The following SHOC1 variants were observed in gnomAD, a reference collection of about 807,000 sequenced individuals.
The protein encoded by SHOC1 is shortage in chiasmata 1, also known as protein shortage in chiasmata 1 ortholog.
A neutral mutation model predicts 179.2 loss-of-function variants in SHOC1; 136 were observed. That is an observed-to-expected ratio of 0.76 (90% CI 0.66 to 0.87). The LOEUF is 0.87. SHOC1 is among the 40% of genes least tolerant of loss of function. The probability of loss-of-function intolerance (pLI) is 0.00; values close to 1 mark genes in which losing one functional copy is unlikely to be tolerated. For synonymous variants in SHOC1, 489 were observed against 586.6 expected (o/e 0.83, Z 2.41); for missense variants, 1,538 against 1,700.8 (o/e 0.90, Z 1.68).
At chr9:111,760,284 A>T (rs769019449) in intron 5 of SHOC1, among the ~76,000 whole-genome samples, 2 of 152,184 alleles carry the variant, frequency 1.3e-5, no homozygotes, top group Non-Finnish European at 2.9e-5. Context: ...TATTCTTTGT[A>T]ATTCTACCAA....
At chr9:111,777,598 C>T (rs961531517) in intron 4 of SHOC1, among the ~76,000 whole-genome samples, 1 of 152,172 alleles carries the variant, frequency 6.6e-6, no homozygotes, top group African/African-American at 2.4e-5. Flanking sequence ...GCTCTTTTAA[C>T]CTTGCCCTTA....
intron 12 of SHOC1, among the ~76,000 whole-genome samples, chr9:111,735,933 C>A (rs559791838): frequency 2.0e-5 from 3 of 152,138 alleles, no homozygotes; most frequent in African/African-American, 7.2e-5. Context: ...ATCCAATCCA[C>A]GTTAATGGGC....
intron 12 of SHOC1, among the ~76,000 whole-genome samples, chr9:111,730,619 G>A (rs1022617683): frequency 4.6e-5 from 7 of 152,228 alleles, no homozygotes; most frequent in African/African-American, 1.7e-4. Context: ...TGTAAGCCAT[G>A]CTGTAAACAG....
chr9:111,766,988 T>C (rs777034954), intron 5 of SHOC1, among the ~76,000 whole-genome samples: 2 of 152,146 alleles, frequency 1.3e-5, no homozygotes, highest in Non-Finnish European at 2.9e-5. Flanking sequence ...TGTTGGCCAT[T>C]TCTTCTTTTG....
At chr9:111,710,868 TGGTAA>T (rs1832512807) in intron 18 of SHOC1, among the ~76,000 whole-genome samples, 1 of 152,142 alleles carries the variant, frequency 6.6e-6, no homozygotes. Context: ...CATGATAGTT[TGGTAA>T]GGTAAGAGTA....
chr9:111,754,020 C>T (rs1301432051), intron 8 of SHOC1, among the ~76,000 whole-genome samples: 1 of 152,012 alleles, frequency 6.6e-6, no homozygotes. Context: ...TTTAAATTTA[C>T]TAAGAAAGTA....
intron 1 of SHOC1, among the ~76,000 whole-genome samples, chr9:111,793,252 CTGAT>C (rs1216324393): frequency 1.3e-5 from 2 of 152,198 alleles, no homozygotes; most frequent in South Asian, 2.1e-4. Context: ...TCAGAAAAAA[CTGAT>C]TGTCTCATTC....
chr9:111,686,633 A>C lies in SHOC1; in HGVS notation c.*137T>G. ...CCATAGGGCAGAATACATATTATGA[A>C]TATTTAATACAGAAATACTGAGACA... On this transcript the variant is annotated 3_prime_UTR_variant, in exon 28 of 28. Transcript: ENST00000682961. The C allele has an allele frequency of 1.7e-6, 1 of 583,760 alleles. No homozygotes were observed. Among genetic ancestry groups the C allele is most frequent in the East Asian group, 3.0e-5 (1 of 33,496 alleles). The allele number at this position is 583,760 out of a possible 1,614,324, so 36.2% of individuals were successfully genotyped here.
intron 16 of SHOC1, 131 bp downstream of exon 16, chr9:111,718,053 T>C (rs1589401917): frequency 3.6e-6 from 2 of 556,962 alleles, no homozygotes; most frequent in African/African-American, 2.0e-5. Context: ...TCAAAATGTA[T>C]GTAATGCTTA....
In SHOC1 at chr9:111,756,414, A is replaced by C; in HGVS notation, c.773T>G (p.Ile258Ser). 1 of 1,611,528 alleles carries C rather than the reference A, an allele frequency of 6.2e-7. No individual in the cohort carries two copies. Among genetic ancestry groups the C allele is most frequent in the Non-Finnish European group, 8.5e-7 (1 of 1,178,120 alleles). ...CTCCTTCAGTTCTGAGAGTGATGGA[A>C]TATCAATTTCTGGTTTGAGGCTTGG... Reference protein sequence around the residue: ...IPPSLKPEIDIPSLSELKELL... With the variant: ...IPPSLKPEIDSPSLSELKELL... Residue 258 changes from isoleucine to serine, a missense_variant, in exon 8 of 28, where the codon ATT becomes AGT. Transcript: ENST00000682961.
At chr9:111,790,587 C>T (rs1036407096) in intron 2 of SHOC1, among the ~76,000 whole-genome samples, 1 of 152,174 alleles carries the variant, frequency 6.6e-6, no homozygotes, top group Admixed American at 6.5e-5. Flanking sequence ...CTCTGTTGCC[C>T]AGACTGGAGG....
chr9:111,758,590 A>C, intron 6 of SHOC1, 105 bp downstream of exon 6: 1 of 1,184,424 alleles, frequency 8.4e-7, no homozygotes, highest in Non-Finnish European at 1.2e-6. Context: ...CTCATCTCAA[A>C]ACAAAACAAA....
chr9:111,716,185 G>T (rs1454242909), intron 16 of SHOC1, among the ~76,000 whole-genome samples: 1 of 151,948 alleles, frequency 6.6e-6, no homozygotes, highest in Non-Finnish European at 1.5e-5. Flanking sequence ...TACTTTTATG[G>T]TATTCCTTAA....
chr9:111,734,436 C>A (rs975594961), intron 12 of SHOC1, among the ~76,000 whole-genome samples: 12 of 152,056 alleles, frequency 7.9e-5, no homozygotes, highest in African/African-American at 2.9e-4. Flanking sequence ...CTTATTCCAC[C>A]GTGGGTACCA....
intron 3 of SHOC1, among the ~76,000 whole-genome samples, chr9:111,781,863 C>T (rs1022612984): frequency 6.6e-6 from 1 of 150,746 alleles, no homozygotes; most frequent in Admixed American, 6.6e-5. Flanking sequence ...CACCTACCAC[C>T]AGTGTTACTT....
chr9:111,710,467 C>G (rs7022896), intron 18 of SHOC1, among the ~76,000 whole-genome samples: 38,075 of 152,002 alleles, frequency 0.25, 5,100 homozygotes, highest in African/African-American at 0.33. Context: ...GTGTGTACTA[C>G]GTATATAGAG....
chr9:111,757,091 T>C (rs1442125781), intron 7 of SHOC1, among the ~76,000 whole-genome samples: 2 of 152,070 alleles, frequency 1.3e-5, no homozygotes, highest in Admixed American at 6.5e-5. Context: ...ACATTTTAAG[T>C]TGTCCTAAAA....
intron 10 of SHOC1, among the ~76,000 whole-genome samples, chr9:111,745,389 C>T (rs79827753): frequency 0.012 from 1,761 of 152,274 alleles, 33 homozygotes; most frequent in African/African-American, 0.039. Context: ...GGCTCTAGTT[C>T]AGAGCTTCTA....
At chr9:111,690,698 C>T (rs1831385818) in intron 27 of SHOC1, among the ~76,000 whole-genome samples, 2 of 152,122 alleles carry the variant, frequency 1.3e-5, no homozygotes, top group Non-Finnish European at 2.9e-5. Context: ...CAGAATACTT[C>T]CCATTAAAGT....
Sources: gnomAD v4.1 joint callset for allele counts (sites outside exome capture counted in the v4.1 genomes callset) on GRCh38, gnomAD v4.1.1 for gene constraint, MANE v1.5 for transcripts, NCBI Gene and HGNC (gene_info 2026-07-23, HGNC 2026-07-21) for gene names.